Variants in ITPR2 observed in about 807,000 individuals in gnomAD.
ITPR2 encodes the protein inositol 1,4,5-trisphosphate-gated calcium channel ITPR2.
A neutral mutation model predicts 317.1 loss-of-function variants in ITPR2; 207 were observed. The observed-to-expected ratio is 0.65, with a 90% CI of 0.58 to 0.73. The LOEUF is 0.73. Among genes scored for constraint, ITPR2 ranks in the 30% least tolerant of loss-of-function variants. ITPR2 has a pLI of 0.00. For missense variants in ITPR2, 2,613 were observed against 3,284.0 expected, an observed-to-expected ratio of 0.80 and a Z score of 4.99; for synonymous variants, 1,156 against 1,149.1, an observed-to-expected ratio of 1.01 and a Z score of -0.12.
At chr12:26,786,827 A>G (rs1277536265) in intron 2 of ITPR2, among the ~76,000 whole-genome samples, 1 of 152,242 alleles carries the variant, frequency 6.6e-6, no homozygotes, top group Non-Finnish European at 1.5e-5. Context: ...TAATTTGAGA[A>G]TATCATTTGT....
At position 26,551,114 on chromosome 12, in the gene ITPR2, A is replaced by G. The variant is rs907227933; in HGVS notation, c.4965-759T>C. 4.6e-5 allele frequency among the ~76,000 whole-genome samples: 7 copies of G among 152,230 alleles called. No homozygotes were observed. In the East Asian group the frequency reaches 7.7e-4, roughly 17 times the overall value. On this transcript the variant is annotated intron_variant, in intron 36 of 56. Coordinates refer to ENST00000381340, the MANE Select transcript of ITPR2 (RefSeq NM_002223.4). ...GCTATATATATCGCCTATATAGCTCATGTTGTTAAAAAGCTGATCCTCAAA... is the reference window on the plus strand; with the variant it reads ...GCTATATATATCGCCTATATAGCTCGTGTTGTTAAAAAGCTGATCCTCAAA...
intron 5 of ITPR2, among the ~76,000 whole-genome samples, chr12:26,717,304 A>G (rs551209689): frequency 6.6e-6 from 1 of 152,330 alleles, no homozygotes; most frequent in South Asian, 2.1e-4. Context: ...CCAAACTTTA[A>G]AAAACATAAT....
At chr12:26,389,417 C>G (rs926023897) in intron 54 of ITPR2, among the ~76,000 whole-genome samples, 2 of 151,804 alleles carry the variant, frequency 1.3e-5, no homozygotes, top group Admixed American at 6.6e-5. Flanking sequence ...CTTGGCCTCA[C>G]AGCCACACTA....
intron 33 of ITPR2, among the ~76,000 whole-genome samples, chr12:26,579,381 G>A (rs1945343189): frequency 6.6e-6 from 1 of 152,082 alleles, no homozygotes; most frequent in African/African-American, 2.4e-5. Context: ...ACAACATAGA[G>A]ATATAGTATC....
intron 32 of ITPR2, among the ~76,000 whole-genome samples, chr12:26,593,023 AT>A (rs1171393146): frequency 2.0e-5 from 3 of 152,312 alleles, no homozygotes; most frequent in African/African-American, 7.2e-5. Context: ...CATTTTACAA[AT>A]CAGGAAACTC....
In ITPR2 at chr12:26,831,056, AACT is replaced by A. The variant is rs1171374080; in HGVS notation, c.92+1631_92+1633del. Among the ~76,000 whole-genome samples the A allele has an allele frequency of 2.6e-5, 4 of 152,170 alleles. No homozygotes were observed. The highest frequency in any genetic ancestry group is 4.8e-5 in the African/African-American group (2 of 41,430). The stretch of plus-strand genomic sequence containing the variant: ...TCTGTCCATGGAACCCCCTCTGCTT[AACT>A]ACTACATCACACACACACACCTGGA... On this transcript the variant is annotated intron_variant, in intron 1 of 56. Coordinates refer to ENST00000381340, the MANE Select transcript of ITPR2 (RefSeq NM_002223.4). This position sits in a 1 kb window ranked among gnomAD's most constrained non-coding sequence, Gnocchi z 4.9.
chr12:26,583,584 A>G (rs1045439374), intron 32 of ITPR2, among the ~76,000 whole-genome samples: 4 of 152,164 alleles, frequency 2.6e-5, no homozygotes, highest in African/African-American at 7.2e-5. Flanking sequence ...TCTTTAAAAT[A>G]TCTGCAATTT....
Position 26,432,880 on chromosome 12 carries a change from C to A in ITPR2, c.6769+3341G>T, listed in dbSNP as rs1380162469. Reference sequence around the variant, plus strand: ...TTTAAGCACTTCTTGAAGGAATTTTCATCCATCTTTAATCTCACCCACCTC... The same window carrying A: ...TTTAAGCACTTCTTGAAGGAATTTTAATCCATCTTTAATCTCACCCACCTC... On this transcript the variant is annotated intron_variant, in intron 48 of 56. Coordinates refer to ENST00000381340, the MANE Select transcript of ITPR2 (RefSeq NM_002223.4). Among the ~76,000 whole-genome samples the A allele has an allele frequency of 2.0e-5, 3 of 152,124 alleles. No homozygotes were observed. In the East Asian group the frequency reaches 5.8e-4, roughly 29 times the overall value.
In ITPR2 at chr12:26,342,494, CGGTGGGGGGGGGGG is replaced by C. The variant is rs1938155204; in HGVS notation, c.7858-2180_7858-2167del. Among the ~76,000 whole-genome samples, 2 of 29,008 alleles carry C rather than the reference CGGTGGGGGGGGGGG, an allele frequency of 6.9e-5. 1 individual carries two copies. The highest frequency in any genetic ancestry group is 1.2e-4 in the Non-Finnish European group (2 of 16,180). The allele number at this position is 29,008 out of a possible 152,430, so 19.0% of individuals were successfully genotyped here. A position where few individuals can be genotyped will look rare whatever the true frequency, so the allele number is the denominator to read the frequency against. ...CGAATGGGAGGTGTTTGGGTCACGG[CGGTGGGGGGGGGGG>C]GGGGGCGGGGGTCAGATCCCTCAGG... On this transcript the variant is annotated intron_variant, in intron 55 of 56. Coordinates refer to ENST00000381340, the MANE Select transcript of ITPR2 (RefSeq NM_002223.4).
chr12:26,480,276 C>G (rs952611733), intron 43 of ITPR2, among the ~76,000 whole-genome samples: 21 of 152,130 alleles, frequency 1.4e-4, no homozygotes, highest in African/African-American at 4.8e-4. Flanking sequence ...CTCCTGAGCT[C>G]TTATAAATGA....
At chr12:26,595,037 TC>T (rs1396503729) in intron 32 of ITPR2, among the ~76,000 whole-genome samples, 1 of 152,182 alleles carries the variant, frequency 6.6e-6, no homozygotes, top group Non-Finnish European at 1.5e-5. Flanking sequence ...CAAGGCCAAG[TC>T]CTCAGTCGGC....
intron 45 of ITPR2, among the ~76,000 whole-genome samples, chr12:26,449,762 G>A (rs566347302): frequency 4.7e-4 from 72 of 152,206 alleles, no homozygotes; most frequent in African/African-American, 1.6e-3. Flanking sequence ...AATGAGAAGA[G>A]GACTAGAAGG....
At chr12:26,620,999 T>G in intron 26 of ITPR2, 124 bp downstream of exon 26, 1 of 809,436 alleles carries the variant, frequency 1.2e-6, no homozygotes, top group Non-Finnish European at 1.9e-6. Flanking sequence ...AAATGAAAAT[T>G]TTGTGCTCTG....
chr12:26,770,488 C>T (rs1258021441), intron 2 of ITPR2, among the ~76,000 whole-genome samples: 1 of 152,182 alleles, frequency 6.6e-6, no homozygotes, highest in African/African-American at 2.4e-5. Context: ...CTTCTCTGTG[C>T]TTCTACAGTC....
In ITPR2 at chr12:26,400,135, G is replaced by C; in HGVS notation, c.7523C>G (p.Ser2508Trp). 6.2e-7 allele frequency: 1 copy of C among 1,607,376 alleles called. No individual in the cohort carries two copies. The highest frequency in any genetic ancestry group is 8.5e-7 in the Non-Finnish European group (1 of 1,176,652). Residue 2508 changes from serine to tryptophan, a missense_variant, in exon 53 of 57, where the codon TCG becomes TGG. By Grantham distance (177) the Ser-to-Trp change is radical. Transcript: ENST00000381340. Reference protein sequence around the residue: ...GGVGDVLRRPSKDEPLFAARV... With the variant: ...GGVGDVLRRPWKDEPLFAARV... ...ACTTTTACTCTGGCTTACATCTTTC[G>C]ATGGCCTTCTTAGCACATCCCCCAC... is the stretch of plus-strand genomic sequence containing the variant.
intron 21 of ITPR2, among the ~76,000 whole-genome samples, chr12:26,646,366 T>C (rs1947114908): frequency 6.6e-6 from 1 of 152,112 alleles, no homozygotes; most frequent in Admixed American, 6.5e-5. Flanking sequence ...CATCTCAATT[T>C]CCCTTCTCCT....
chr12:26,560,988 G>A (rs902946771), intron 35 of ITPR2, among the ~76,000 whole-genome samples: 11 of 152,260 alleles, frequency 7.2e-5, no homozygotes, highest in African/African-American at 2.6e-4. Flanking sequence ...TTCATATGTT[G>A]AAGGCCTAAC....
At chr12:26,670,469 A>G (rs190648228) in intron 13 of ITPR2, among the ~76,000 whole-genome samples, 23 of 152,338 alleles carry the variant, frequency 1.5e-4, no homozygotes, top group African/African-American at 5.5e-4. Flanking sequence ...GCAAACTCCA[A>G]CAGACCTGCA....
At chr12:26,376,216 C>T (rs1008366181) in intron 55 of ITPR2, among the ~76,000 whole-genome samples, 1 of 152,204 alleles carries the variant, frequency 6.6e-6, no homozygotes, top group Non-Finnish European at 1.5e-5. Flanking sequence ...TTCTAACTTA[C>T]AATTGTGGAG....
Sources: gnomAD v4.1 joint callset for allele counts (sites outside exome capture counted in the v4.1 genomes callset) on GRCh38, gnomAD v4.1.1 for gene constraint, Gnocchi (gnomAD v3.1) non-coding constraint, MANE v1.5 for transcripts, NCBI Gene and HGNC (gene_info 2026-07-23, HGNC 2026-07-21) for gene names.